SLC4A8: variants seen among roughly 807,000 people sequenced by gnomAD.
The protein encoded by SLC4A8 is solute carrier family 4 member 8, also known as electroneutral sodium bicarbonate exchanger 1.
A neutral mutation model predicts 125.0 loss-of-function variants in SLC4A8; 40 were observed. That is an observed-to-expected ratio of 0.32 (90% CI 0.25 to 0.42). SLC4A8 has a LOEUF of 0.42. Among genes scored for constraint, SLC4A8 ranks in the 10% least tolerant of loss-of-function variants. SLC4A8 has a pLI of 1.00. For missense variants in SLC4A8, 863 were observed against 1,355.1 expected (o/e 0.64, Z 5.70); for synonymous variants, 456 against 476.0 (o/e 0.96, Z 0.55).
At chr12:51,494,651 T>C (rs1021050442) in intron 20 of SLC4A8, 2 of 237,022 alleles carry the variant, frequency 8.4e-6, no homozygotes, top group South Asian at 1.6e-4. Context: ...ATGTAATTGG[T>C]TTATTTTGTT....
chr12:51,469,399 A>G (rs1950624206), intron 11 of SLC4A8, among the ~76,000 whole-genome samples: 1 of 152,094 alleles, frequency 6.6e-6, no homozygotes, highest in Admixed American at 6.6e-5. Context: ...AATTCTTTGT[A>G]TGTTTAGGAT....
rs141019566 is a variant in SLC4A8 at position 51,461,302 on chromosome 12, C to G, written c.1101+11C>G. On this transcript the variant is annotated intron_variant, in intron 9 of 24. Coordinates refer to ENST00000453097, the MANE Select transcript of SLC4A8 (RefSeq NM_001039960.3). Reference sequence around the variant, plus strand: ...ATCATGACAGATGAGGTATGTGCAACTTTTGCTTCAGTCTTCCATCTCATA... The same window carrying G: ...ATCATGACAGATGAGGTATGTGCAAGTTTTGCTTCAGTCTTCCATCTCATA... 2 of 1,519,124 alleles carry G rather than the reference C, an allele frequency of 1.3e-6. No individual in the cohort carries two copies. Among genetic ancestry groups the G allele is most frequent in the East Asian group, 4.5e-5 (2 of 44,404 alleles). The allele number at this position is 1,519,124 out of a possible 1,614,324, so 94.1% of individuals were successfully genotyped here.
intron 1 of SLC4A8, among the ~76,000 whole-genome samples, chr12:51,415,481 T>C (rs1256026033): frequency 3.3e-5 from 5 of 152,134 alleles, no homozygotes; most frequent in Non-Finnish European, 7.4e-5. Context: ...GTGGTAGGTG[T>C]TCAGGAATTT....
At chr12:51,398,730 A>C (rs941428764) in intron 1 of SLC4A8, among the ~76,000 whole-genome samples, 1 of 152,142 alleles carries the variant, frequency 6.6e-6, no homozygotes, top group Admixed American at 6.6e-5. Context: ...TCCCCTAAAA[A>C]AAGAGAAGTT....
At chr12:51,467,548 C>T (rs746121864) in intron 11 of SLC4A8, 2 of 152,184 alleles carry the variant, frequency 1.3e-5, no homozygotes, top group African/African-American at 2.4e-5. Flanking sequence ...ATACAGATCC[C>T]AGGCCTCCTC....
intron 1 of SLC4A8, chr12:51,391,664 G>C (rs956650252): frequency 6.6e-6 from 1 of 152,190 alleles, no homozygotes; most frequent in Non-Finnish European, 1.5e-5. Flanking sequence ...CCCACCGGAC[G>C]GCCGGGAGGG....
intron 22 of SLC4A8, among the ~76,000 whole-genome samples, chr12:51,499,384 C>T (rs962598681): frequency 5.5e-4 from 83 of 151,160 alleles, no homozygotes; most frequent in African/African-American, 1.9e-3. Context: ...GAAAATACAC[C>T]AAAATGTTTA....
chr12:51,506,713 C>T (rs749622023), intron 24 of SLC4A8, among the ~76,000 whole-genome samples: 16 of 152,190 alleles, frequency 1.1e-4, no homozygotes, highest in South Asian at 2.1e-4. Context: ...GGATTACAGG[C>T]GTGGGCCACT....
intron 4 of SLC4A8, among the ~76,000 whole-genome samples, chr12:51,453,253 A>G (rs977135260): frequency 1.1e-4 from 17 of 152,244 alleles, no homozygotes; most frequent in African/African-American, 3.6e-4. Flanking sequence ...CTGTAATTCC[A>G]CAACTGCAGG....
At chr12:51,392,495 C>T (rs1259908017) in intron 1 of SLC4A8, among the ~76,000 whole-genome samples, 7 of 148,170 alleles carry the variant, frequency 4.7e-5, no homozygotes, top group Non-Finnish European at 8.9e-5. Context: ...ATCGCTTGAA[C>T]TCGGGAGGGG....
intron 5 of SLC4A8, among the ~76,000 whole-genome samples, chr12:51,455,323 C>T (rs951957820): frequency 2.5e-4 from 37 of 150,496 alleles, no homozygotes; most frequent in African/African-American, 7.8e-4. Context: ...TCAAGGAGCT[C>T]GCCTTCAAGT....
rs1330140604 is a variant in SLC4A8, at chr12:51,475,496, C to T, written c.2172+290C>T. On this transcript the variant is annotated intron_variant, in intron 16 of 24. Transcript: ENST00000453097. ...AAGTCTTATTTCCAGAATGCTGTTA[C>T]GTTTCATTTCCAGAATTCTGAGACA... Among the ~76,000 whole-genome samples the T allele has an allele frequency of 4.6e-5, 7 of 152,330 alleles. 1 individual carries two copies. The South Asian group carries it at 1.0e-3, about 23-fold the overall frequency.
chr12:51,417,627 C>T lies in SLC4A8; in HGVS notation c.-111-23081C>T, dbSNP rs183609970. On this transcript the variant is annotated intron_variant, in intron 1 of 24. Coordinates refer to the SLC4A8 transcript ENST00000358657. ...CCACCTCCCGGGTTCAAGCGATTCT[C>T]CTGCCTCAGCCTCCCGAGTGGCTGG... Among the ~76,000 whole-genome samples, 56 of 152,302 alleles carry T rather than the reference C, an allele frequency of 3.7e-4. No homozygotes were observed. In the East Asian group the frequency reaches 9.6e-3, roughly 26 times the overall value.
At chr12:51,415,785 G>A (rs1316687053) in intron 1 of SLC4A8, among the ~76,000 whole-genome samples, 2 of 148,526 alleles carry the variant, frequency 1.3e-5, no homozygotes, top group African/African-American at 2.5e-5. Context: ...GGAGGGAGGC[G>A]AGCATTGAAA....
intron 4 of SLC4A8, 74 bp downstream of exon 4, chr12:51,452,333 C>A: frequency 2.0e-6 from 3 of 1,501,334 alleles, no homozygotes; most frequent in Non-Finnish European, 2.8e-6. Context: ...AGTGACAGGC[C>A]TGCCTGCCTT....
At chr12:51,397,570 A>G (rs1216251113) in intron 1 of SLC4A8, among the ~76,000 whole-genome samples, 1 of 152,220 alleles carries the variant, frequency 6.6e-6, no homozygotes, top group Non-Finnish European at 1.5e-5. Flanking sequence ...GCAAAATTTC[A>G]GATGCACAGA....
chr12:51,476,602 G>T (rs11169851), intron 16 of SLC4A8, among the ~76,000 whole-genome samples: 16,072 of 152,190 alleles, frequency 0.11, 948 homozygotes, highest in Middle Eastern at 0.14. Flanking sequence ...AATGTTTAAG[G>T]AGAAGATAAT....
chr12:51,471,940 CTCTT>C (rs778577161), intron 14 of SLC4A8, among the ~76,000 whole-genome samples: 121 of 152,306 alleles, frequency 7.9e-4, no homozygotes, highest in African/African-American at 2.7e-3. Flanking sequence ...ATGAAGGACT[CTCTT>C]TCTCTGAAAG....
At chr12:51,494,744 A>G (rs781244878) in intron 20 of SLC4A8, 31 of 462,548 alleles carry the variant, frequency 6.7e-5, no homozygotes, top group Non-Finnish European at 1.2e-4. Flanking sequence ...ATTAGAAAAG[A>G]TGGATTCAAA....
Sources: allele counts gnomAD v4.1 joint callset (sites outside exome capture counted in the v4.1 genomes callset), GRCh38; gene constraint gnomAD v4.1.1; transcripts MANE v1.5; gene names NCBI Gene and HGNC (gene_info 2026-07-23, HGNC 2026-07-21).